The following MMP8 variants were observed in gnomAD, a reference collection of about 807,000 sequenced individuals.
The protein encoded by MMP8 is neutrophil collagenase.
Under a neutral mutation model 51.2 loss-of-function variants are expected in MMP8, and 67 were observed. The observed-to-expected ratio is 1.31, with a 90% CI of 1.08 to 1.60. MMP8 has a LOEUF of 1.60. Among genes scored for constraint, MMP8 ranks in the 40% most tolerant of loss-of-function variants. The pLI is 0.00. For synonymous variants in MMP8, 225 were observed against 191.0 expected (o/e 1.18, Z -1.47); for missense variants, 654 against 558.1 (o/e 1.17, Z -1.73).
intron 1 of MMP8, chr11:102,723,390 C>A: frequency 5.2e-6 from 2 of 382,112 alleles, no homozygotes; most frequent in South Asian, 1.9e-5. Flanking sequence ...CACCTGGCAC[C>A]TTGTCAGTGT....
At position 102,723,445 on chromosome 11, in the gene MMP8, T is replaced by C. The variant is rs1410382337; in HGVS notation, c.103-772A>G. On this transcript the variant is annotated intron_variant, in intron 1 of 9. Coordinates refer to ENST00000236826, the MANE Select transcript of MMP8 (RefSeq NM_002424.3). ...CTATAACAGAATATCTGAAGCTGGG[T>C]AACTTATACATAAAAGGGGCTGATT... is the stretch of plus-strand genomic sequence containing the variant. 7 of 439,482 alleles carry C rather than the reference T, an allele frequency of 1.6e-5. 1 individual carries two copies. Among genetic ancestry groups the C allele is most frequent in the South Asian group, 4.9e-5 (3 of 61,220 alleles). The allele number at this position is 439,482 out of a possible 1,614,324, so 27.2% of individuals were successfully genotyped here.
chr11:102,718,901 C>T (rs980791076), intron 4 of MMP8, among the ~76,000 whole-genome samples: 1 of 152,178 alleles, frequency 6.6e-6, no homozygotes, highest in Non-Finnish European at 1.5e-5. Flanking sequence ...ACTTTGGGAA[C>T]CCCTCTTCTC....
At chr11:102,720,937 T>C (rs1348579198) in intron 4 of MMP8, among the ~76,000 whole-genome samples, 2 of 151,516 alleles carry the variant, frequency 1.3e-5, no homozygotes, top group Non-Finnish European at 3.0e-5. Flanking sequence ...TCACTAAATT[T>C]GGGAATATTA....
chr11:102,723,887 C>T, intron 1 of MMP8: 1 of 288,190 alleles, frequency 3.5e-6, no homozygotes, highest in South Asian at 3.0e-5. Flanking sequence ...TTAACTCTGC[C>T]ATGAATTAAC....
At chr11:102,722,706 G>A (rs771789931) in intron 1 of MMP8, 33 bp from the exon 2 acceptor site, 1 of 1,608,178 alleles carries the variant, frequency 6.2e-7, no homozygotes. Flanking sequence ...GGGTCTTGCT[G>A]TGAAAGGACC....
At chr11:102,718,604 C>T (rs747823854) in intron 4 of MMP8, 29 bp from the exon 5 acceptor site, 1 of 1,613,104 alleles carries the variant, frequency 6.2e-7, no homozygotes, top group African/African-American at 1.3e-5. Context: ...TGGTAAACAG[C>T]TCAGTGTGGA....
At position 102,722,401 on chromosome 11, in the gene MMP8, G is replaced by A. The variant is rs772901432; in HGVS notation, c.347+28C>T. 1.9e-6 allele frequency: 3 copies of A among 1,610,712 alleles called. No homozygotes were observed. The Admixed American group carries it at 5.0e-5, about 27-fold the overall frequency. ...AGCCCAGTCCATACTGGATAAATGA[G>A]TGTATCCTGAAACCCTAGAGATATC... is the stretch of plus-strand genomic sequence containing the variant. On this transcript the variant is annotated intron_variant, in intron 2 of 9. Coordinates refer to ENST00000236826, the MANE Select transcript of MMP8 (RefSeq NM_002424.3).
Position 102,713,354 on chromosome 11 carries a change from A to G in MMP8, c.1398T>C (p.Tyr466=). 6.2e-7 allele frequency: 1 copy of G among 1,609,870 alleles called. No individual in the cohort carries two copies. Among genetic ancestry groups the G allele is most frequent in the South Asian group, 1.1e-5 (1 of 90,922 alleles). The change falls in exon 10 of 10, where the codon TAT becomes TAC. Residue 466 remains tyrosine, a synonymous_variant. Transcript: ENST00000236826. ...AGCCACATTTGATTTTGCTTCAGCC[A>G]TATCTACAGTTAAGCCATTTATTGC... is the stretch of plus-strand genomic sequence containing the variant. The part of the protein sequence containing the change: ...ARGNKWLNCR[Y]G
chr11:102,716,423 G>GTA lies in MMP8; in HGVS notation c.785-5_785-4insTA. The GTA allele has an allele frequency of 2.5e-6, 1 of 394,586 alleles. No individual in the cohort carries two copies. The highest frequency in any genetic ancestry group is 4.1e-6 in the Non-Finnish European group (1 of 243,702). The allele number at this position is 394,586 out of a possible 1,614,324, so 24.4% of individuals were successfully genotyped here. ...TGGATAGGGTTGCTTGAAAGTCCTG[G>GTA]AAAAAAAAAAAAAAAAAAAAAAAAG... On this transcript the variant is annotated splice_region_variant and splice_polypyrimidine_tract_variant and intron_variant, in intron 5 of 9. Transcript: ENST00000236826.
In MMP8 at chr11:102,713,743, T is replaced by A. The variant is rs866134330; in HGVS notation, c.1294+11A>T. The A allele has an allele frequency of 6.3e-7, 1 of 1,586,918 alleles. No individual in the cohort carries two copies. Among genetic ancestry groups the A allele is most frequent in the African/African-American group, 1.4e-5 (1 of 73,226 alleles). On this transcript the variant is annotated intron_variant, in intron 9 of 9. Transcript: ENST00000236826. ...AACAACACATTTATTAGGTTTTTTT[T>A]TCCTACTTACGTTCTTGCTGGAAAA...
chr11:102,719,567 G>A (rs1334733230), intron 4 of MMP8, among the ~76,000 whole-genome samples: 1 of 152,128 alleles, frequency 6.6e-6, no homozygotes, highest in Non-Finnish European at 1.5e-5. Flanking sequence ...TGACAGATTG[G>A]GGTCAAACCC....
At position 102,718,588 on chromosome 11, in the gene MMP8, C is replaced by G; in HGVS notation, c.623-13G>C. 6.2e-7 allele frequency: 1 copy of G among 1,613,640 alleles called. No individual in the cohort carries two copies. The highest frequency in any genetic ancestry group is 8.5e-7 in the Non-Finnish European group (1 of 1,179,720). ...AACAAGTTGTAATCTGAAATGCAAA[C>G]ACGGGTGGTAAACAGCTCAGTGTGG... is the stretch of plus-strand genomic sequence containing the variant. On this transcript the variant is annotated splice_polypyrimidine_tract_variant and intron_variant, in intron 4 of 9. Transcript: ENST00000236826.
At chr11:102,714,938 T>C (rs972686669) in intron 7 of MMP8, among the ~76,000 whole-genome samples, 2 of 151,750 alleles carry the variant, frequency 1.3e-5, no homozygotes, top group African/African-American at 4.8e-5. Flanking sequence ...AATAAAAACT[T>C]CTGAGCAAGA....
At chr11:102,724,296 T>G (rs576146373) in intron 1 of MMP8, among the ~76,000 whole-genome samples, 1 of 152,332 alleles carries the variant, frequency 6.6e-6, no homozygotes, top group African/African-American at 2.4e-5. Flanking sequence ...ATGATTTTAC[T>G]GTGTACTGAT....
intron 1 of MMP8, among the ~76,000 whole-genome samples, chr11:102,724,517 C>T (rs1418501026): frequency 6.6e-6 from 1 of 152,176 alleles, no homozygotes; most frequent in Non-Finnish European, 1.5e-5. Context: ...CTAGGGGTAA[C>T]TCTACAGCAG....
intron 5 of MMP8, among the ~76,000 whole-genome samples, chr11:102,716,853 T>A (rs1861313634): frequency 6.6e-6 from 1 of 152,170 alleles, no homozygotes; most frequent in African/African-American, 2.4e-5. Context: ...TTTAGCAATA[T>A]TTTTTCTATA....
intron 4 of MMP8, among the ~76,000 whole-genome samples, chr11:102,719,074 G>A (rs987480502): frequency 6.6e-6 from 1 of 152,168 alleles, no homozygotes; most frequent in East Asian, 1.9e-4. Context: ...CTTAGCACCA[G>A]CTCTTCTCTG....
At position 102,715,297 on chromosome 11, in the gene MMP8, A is replaced by T. The variant is rs1861256642; in HGVS notation, c.1036+7T>A. 6.2e-7 allele frequency: 1 copy of T among 1,606,690 alleles called. No individual in the cohort carries two copies. The highest frequency in any genetic ancestry group is 8.5e-7 in the Non-Finnish European group (1 of 1,177,584). ...ACTAACATAAGATGAAAACTTTAGGAAGTTACCTTTAAATAGGAAAATGAG... is the reference window on the plus strand; with the variant it reads ...ACTAACATAAGATGAAAACTTTAGGTAGTTACCTTTAAATAGGAAAATGAG... On this transcript the variant is annotated splice_region_variant and intron_variant, in intron 7 of 9. Transcript: ENST00000236826.
At chr11:102,716,113 G>A (rs549505511) in intron 6 of MMP8, among the ~76,000 whole-genome samples, 189 bp downstream of exon 6, 4 of 152,092 alleles carry the variant, frequency 2.6e-5, no homozygotes, top group South Asian at 2.1e-4. Context: ...TTTAAAAGAC[G>A]AAGATGATAA....
Sources: allele counts gnomAD v4.1 joint callset (sites outside exome capture counted in the v4.1 genomes callset), GRCh38; gene constraint gnomAD v4.1.1; transcripts MANE v1.5; gene names NCBI Gene and HGNC (gene_info 2026-07-23, HGNC 2026-07-21).